Variants in WWOX observed in about 807,000 individuals in gnomAD.
The protein encoded by WWOX is WW domain-containing oxidoreductase.
WWOX carries 69 observed loss-of-function variants against 46.2 expected under a neutral mutation model. The observed-to-expected ratio is 1.49, with a 90% confidence interval of 1.23 to 1.82. WWOX has a LOEUF of 1.82. WWOX is among the 40% of genes most tolerant of loss of function. WWOX has a pLI of 0.00. For synonymous variants in WWOX, 359 were observed against 202.6 expected, an observed-to-expected ratio of 1.77 and a Z score of -6.56; for missense variants, 919 against 542.6, an observed-to-expected ratio of 1.69 and a Z score of -6.89.
At chr16:79,006,912 C>T (rs536891196) in intron 8 of WWOX, among the ~76,000 whole-genome samples, 1 of 152,168 alleles carries the variant, frequency 6.6e-6, no homozygotes, top group Non-Finnish European at 1.5e-5. Flanking sequence ...CACTGGATGA[C>T]CCAGAATCAT....
At chr16:79,021,677 G>A (rs1160091317) in intron 8 of WWOX, among the ~76,000 whole-genome samples, 1 of 152,176 alleles carries the variant, frequency 6.6e-6, no homozygotes, top group East Asian at 1.9e-4. Context: ...TCACACGATC[G>A]CAGTGCATTG....
intron 5 of WWOX, among the ~76,000 whole-genome samples, chr16:78,384,127 T>A (rs535569658): frequency 6.2e-4 from 95 of 152,282 alleles, no homozygotes; most frequent in African/African-American, 2.0e-3. Context: ...ATACATGCGT[T>A]TTTATAATAT....
At chr16:78,275,913 G>T (rs1442805932) in intron 5 of WWOX, among the ~76,000 whole-genome samples, 1 of 151,990 alleles carries the variant, frequency 6.6e-6, no homozygotes, top group Non-Finnish European at 1.5e-5. Context: ...AGTGCACTGG[G>T]AGGGGAGGCT....
At chr16:78,840,055 A>G (rs144673150) in intron 8 of WWOX, among the ~76,000 whole-genome samples, 1 of 152,362 alleles carries the variant, frequency 6.6e-6, no homozygotes, top group Non-Finnish European at 1.5e-5. Context: ...GGTGTTTGAA[A>G]GATCAAATGA....
intron 8 of WWOX, among the ~76,000 whole-genome samples, chr16:79,180,537 G>T (rs3751831): frequency 0.052 from 7,990 of 152,244 alleles, 554 homozygotes; most frequent in East Asian, 0.32. Flanking sequence ...GTGGGAAGGA[G>T]ATAGGGGCAG....
chr16:78,334,792 C>CCA (rs879936910), intron 5 of WWOX, among the ~76,000 whole-genome samples: 17 of 131,138 alleles, frequency 1.3e-4, no homozygotes, highest in South Asian at 5.3e-4. Context: ...AGTCTCCCCT[C>CCA]CACACACACA....
chr16:78,450,622 T>G (rs944703899), intron 8 of WWOX, among the ~76,000 whole-genome samples: 1 of 151,720 alleles, frequency 6.6e-6, no homozygotes, highest in African/African-American at 2.4e-5. Context: ...AACTTAAACT[T>G]TTTTTGATAT....
intron 8 of WWOX, among the ~76,000 whole-genome samples, chr16:78,539,979 A>G (rs1452627297): frequency 4.1e-5 from 6 of 146,358 alleles, no homozygotes; most frequent in Non-Finnish European, 7.4e-5. Flanking sequence ...CCCCTTTCCA[A>G]TACATCTCTC....
chr16:78,424,567 A>C (rs79064575), intron 6 of WWOX, among the ~76,000 whole-genome samples: 5 of 152,002 alleles, frequency 3.3e-5, no homozygotes, highest in Admixed American at 3.3e-4. Context: ...TAGGGTGACA[A>C]CTCTTCGCAG....
intron 8 of WWOX, among the ~76,000 whole-genome samples, chr16:79,151,169 T>C (rs1289137989): frequency 6.6e-6 from 1 of 152,212 alleles, no homozygotes; most frequent in Non-Finnish European, 1.5e-5. Flanking sequence ...ATATGTTATA[T>C]AGTTAACTGT....
At chr16:78,543,333 C>T (rs1489003595) in intron 8 of WWOX, among the ~76,000 whole-genome samples, 4 of 152,188 alleles carry the variant, frequency 2.6e-5, no homozygotes, top group Admixed American at 6.5e-5. Flanking sequence ...TGTCTCATCC[C>T]CCTGTGGGCT....
intron 8 of WWOX, among the ~76,000 whole-genome samples, chr16:78,790,879 C>T (rs532928738): frequency 3.3e-5 from 5 of 151,636 alleles, no homozygotes; most frequent in South Asian, 2.1e-4. Context: ...ATTAGCCGGG[C>T]GTTTTGGTGC....
chr16:78,958,017 C>T (rs1175245018), intron 8 of WWOX, among the ~76,000 whole-genome samples: 1 of 152,182 alleles, frequency 6.6e-6, no homozygotes, highest in Non-Finnish European at 1.5e-5. Context: ...TTCCCAAGGC[C>T]ACATGAGCTG....
intron 8 of WWOX, among the ~76,000 whole-genome samples, chr16:78,544,675 C>G (rs2043981789): frequency 6.6e-6 from 1 of 152,110 alleles, no homozygotes; most frequent in Non-Finnish European, 1.5e-5. Context: ...GAGTTTGAGA[C>G]CAGCCTGGGC....
intron 5 of WWOX, among the ~76,000 whole-genome samples, chr16:78,379,844 C>G (rs1028344428): frequency 1.3e-5 from 2 of 152,132 alleles, no homozygotes; most frequent in South Asian, 4.2e-4. Context: ...GTTCTAAAGG[C>G]CTGTTGCCTT....
chr16:78,167,444 T>G (rs1455101979), intron 5 of WWOX: 1 of 152,188 alleles, frequency 6.6e-6, no homozygotes, highest in African/African-American at 2.4e-5. Flanking sequence ...TGTAGTACCT[T>G]GAGATAGACC....
chr16:78,892,230 A>T (rs1432911757), intron 8 of WWOX: 1 of 152,206 alleles, frequency 6.6e-6, no homozygotes, highest in African/African-American at 2.4e-5. Context: ...GTCAACCATT[A>T]GCAACCCTAG....
At chr16:78,482,201 C>G (rs1219418247) in intron 8 of WWOX, among the ~76,000 whole-genome samples, 1 of 152,138 alleles carries the variant, frequency 6.6e-6, no homozygotes, top group East Asian at 1.9e-4. Context: ...AAGGAGGTCA[C>G]TTGCTTTTTA....
At chr16:78,529,074 C>G (rs1341096916) in intron 8 of WWOX, among the ~76,000 whole-genome samples, 1 of 151,802 alleles carries the variant, frequency 6.6e-6, no homozygotes, top group African/African-American at 2.4e-5. Context: ...CCACCTCAGC[C>G]TCCTGAGTCA....
Sources: allele counts gnomAD v4.1 joint callset (sites outside exome capture counted in the v4.1 genomes callset), GRCh38; gene constraint gnomAD v4.1.1; transcripts MANE v1.5; gene names NCBI Gene and HGNC (gene_info 2026-07-23, HGNC 2026-07-21).